TRH: variants seen among roughly 807,000 people sequenced by gnomAD.
The protein encoded by TRH is thyrotropin releasing hormone, also known as TSH-releasing factor.
TRH carries 5 observed loss-of-function variants against 5.2 expected under a neutral mutation model. That is an observed-to-expected ratio of 0.95 (90% CI 0.50 to 2.00). The LOEUF (loss-of-function observed/expected upper bound fraction) is 2.00. Ranked by LOEUF, TRH falls within the 30% of genes most tolerant of loss-of-function variation. TRH has a pLI of 0.01. For missense variants in TRH, 318 were observed against 312.8 expected (o/e 1.02, Z -0.13); for synonymous variants, 131 against 128.6 (o/e 1.02, Z -0.13).
At chr3:129,975,744 G>C in intron 1 of TRH, 65 bp from the exon 2 acceptor site, 6 of 1,460,128 alleles carry the variant, frequency 4.1e-6, no homozygotes, top group Non-Finnish European at 5.5e-6. Flanking sequence ...GGCGGGCGTC[G>C]GGGGAGATGG....
In TRH at chr3:129,977,326, G is replaced by A. The variant is rs1426197751; in HGVS notation, c.*110G>A. On this transcript the variant is annotated 3_prime_UTR_variant, in exon 3 of 3. Transcript: ENST00000302649. ...TAGTTAGATCCCTGACCATAAGCCT[G>A]AGCCCCTCCCTCCCAGCCCCATATT... is the stretch of plus-strand genomic sequence containing the variant. 2.2e-6 allele frequency: 3 copies of A among 1,343,212 alleles called. No individual in the cohort carries two copies. Among genetic ancestry groups the A allele is most frequent in the East Asian group, 2.6e-5 (1 of 38,536 alleles). The allele number at this position is 1,343,212 out of a possible 1,614,324, so 83.2% of individuals were successfully genotyped here.
rs80029327 is a variant in TRH, at chr3:129,977,483, C to A, written c.*267C>A. Reference sequence around the variant, plus strand: ...GGCAGATCCCAGAGCCCCTCTCACCCCCCCCACCACAGGCCTGCTCCTTCC... The same window carrying A: ...GGCAGATCCCAGAGCCCCTCTCACCACCCCCACCACAGGCCTGCTCCTTCC... On this transcript the variant is annotated 3_prime_UTR_variant, in exon 3 of 3. Transcript: ENST00000302649. 72 of 334,100 alleles carry A rather than the reference C, an allele frequency of 2.2e-4. No individual in the cohort carries two copies. Among genetic ancestry groups the A allele is most frequent in the South Asian group, 3.3e-4 (3 of 8,990 alleles). 20.7% of individuals were successfully genotyped at this position (334,100 alleles called of 1,614,324 possible).
chr3:129,976,258 G>A (rs2062543173), intron 2 of TRH, among the ~76,000 whole-genome samples: 2 of 152,252 alleles, frequency 1.3e-5, no homozygotes, highest in African/African-American at 4.8e-5. Flanking sequence ...CCCTGGGTGG[G>A]GAAGCTTCTG....
In TRH at chr3:129,976,973, G is replaced by C; in HGVS notation, c.486G>C (p.Lys162Asn). The C allele has an allele frequency of 1.9e-6, 3 of 1,613,484 alleles. No individual in the cohort carries two copies. In the South Asian group the frequency reaches 3.3e-5, roughly 18 times the overall value. ...CAGGCAGAAGGCTGGCAGATCCCAA[G>C]GCTCAAAGGAGCTGGGAAGAAGAGG... ...QHPGRRLADP[K>N]AQRSWEEEEE... is the part of the protein sequence containing the mutation. The change falls in exon 3 of 3, where the codon AAG becomes AAC. Residue 162 changes from lysine to asparagine, a missense_variant. Transcript: ENST00000302649.
chr3:129,976,291 T>TGTGTGTGACAGTTTGAATTAC (rs1196678501), intron 2 of TRH, among the ~76,000 whole-genome samples: 1 of 152,256 alleles, frequency 6.6e-6, no homozygotes, highest in African/African-American at 2.4e-5. Context: ...AGAGTTTCTT[T>TGTGTGTGACAGTTTGAATTAC]GTGTGTGACA....
rs144204651 is a variant in TRH, at chr3:129,976,474, G to A, written c.212-225G>A. Among the ~76,000 whole-genome samples the A allele has an allele frequency of 3.6e-3, 550 of 152,366 alleles. 3 individuals carry two copies. The highest frequency in any genetic ancestry group is 0.014 in the Middle Eastern group (4 of 294). On this transcript the variant is annotated intron_variant, in intron 2 of 2. Coordinates refer to ENST00000302649, the MANE Select transcript of TRH (RefSeq NM_007117.5). ...AGATCAATTGAGTCGCTTATGGTCAGACAACTAGGGAGCGCCAGAGCTGGG... is the reference window on the plus strand; with the variant it reads ...AGATCAATTGAGTCGCTTATGGTCAAACAACTAGGGAGCGCCAGAGCTGGG...
intron 1 of TRH, among the ~76,000 whole-genome samples, chr3:129,975,151 G>A (rs766181562): frequency 9.9e-5 from 15 of 152,162 alleles, no homozygotes; most frequent in Non-Finnish European, 2.9e-5. Context: ...CTGAGAACCT[G>A]GGAGTTCGAA....
intron 1 of TRH, among the ~76,000 whole-genome samples, chr3:129,975,287 T>A (rs1271692520): frequency 6.6e-6 from 1 of 152,218 alleles, no homozygotes; most frequent in Non-Finnish European, 1.5e-5. Flanking sequence ...GCAAATAGAC[T>A]TTGAGCTTTA....
At chr3:129,976,562 G>GGGCA (rs2062544845) in intron 2 of TRH, 137 bp from the exon 3 acceptor site, 1 of 967,274 alleles carries the variant, frequency 1.0e-6, no homozygotes, top group African/African-American at 1.6e-5. Flanking sequence ...GAGGCCTGAG[G>GGGCA]GGCAGGTGCA....
intron 2 of TRH, 129 bp from the exon 3 acceptor site, chr3:129,976,570 G>A: frequency 9.4e-7 from 1 of 1,063,616 alleles, no homozygotes; most frequent in Non-Finnish European, 1.4e-6. Flanking sequence ...AGGGGCAGGT[G>A]CAAGACCATG....
At position 129,975,838 on chromosome 3, in the gene TRH, C is replaced by G. The variant is rs5658; in HGVS notation, c.22C>G (p.Leu8Val). The G allele has an allele frequency of 0.11, 174,237 of 1,608,952 alleles. 13,151 individuals carry two copies. Among genetic ancestry groups the G allele is most frequent in the East Asian group, 0.33 (14,764 of 44,700 alleles). Reference sequence around the variant, plus strand: ...CGCGATGCCCGGCCCTTGGTTGCTGCTCGCTCTGGCTTTGACCCTGAACCT... The same window carrying G: ...CGCGATGCCCGGCCCTTGGTTGCTGGTCGCTCTGGCTTTGACCCTGAACCT... MPGPWLL[L>V]ALALTLNLTG... The change falls in exon 2 of 3, where the codon CTC (leucine) becomes GTC (valine). Residue 8 changes from leucine to valine, a missense_variant. Coordinates refer to ENST00000302649, the MANE Select transcript of TRH (RefSeq NM_007117.5).
chr3:129,975,398 A>T (rs961291235), intron 1 of TRH, among the ~76,000 whole-genome samples: 2 of 151,732 alleles, frequency 1.3e-5, no homozygotes, highest in Non-Finnish European at 2.9e-5. Context: ...CCTTTGGGGG[A>T]GTCTTGGCGG....
chr3:129,977,321 A>G lies in TRH; in HGVS notation c.*105A>G. The stretch of plus-strand genomic sequence containing the variant: ...TTCTCTAGTTAGATCCCTGACCATA[A>G]GCCTGAGCCCCTCCCTCCCAGCCCC... On this transcript the variant is annotated 3_prime_UTR_variant, in exon 3 of 3. Coordinates refer to ENST00000302649, the MANE Select transcript of TRH (RefSeq NM_007117.5). 1 of 1,363,652 alleles carries G rather than the reference A, an allele frequency of 7.3e-7. No homozygotes were observed. Among genetic ancestry groups the G allele is most frequent in the Non-Finnish European group, 9.5e-7 (1 of 1,050,974 alleles). 84.5% of individuals were successfully genotyped at this position (1,363,652 alleles called of 1,614,324 possible). A position where few individuals can be genotyped will look rare whatever the true frequency, so the allele number is the denominator to read the frequency against.
At position 129,977,190 on chromosome 3, in the gene TRH, T is replaced by TG. The variant is rs2062551004; in HGVS notation, c.706dup (p.Val236GlyfsTer20). On this transcript the variant is annotated frameshift_variant, in exon 3 of 3. Coordinates refer to ENST00000302649, the MANE Select transcript of TRH (RefSeq NM_007117.5). LOFTEE classifies it high-confidence loss of function. ...GCAGCACCCTGGTCGGCGGGCAGCCTGGGTCAGAGAGCCCCTGGAGGAGTG... is the reference window on the plus strand; with the variant it reads ...GCAGCACCCTGGTCGGCGGGCAGCCTGGGGTCAGAGAGCCCCTGGAGGAGTG... 6.6e-7 allele frequency: 1 copy of TG among 1,518,830 alleles called. No homozygotes were observed. The highest frequency in any genetic ancestry group is 8.8e-7 in the Non-Finnish European group (1 of 1,136,178). The allele number at this position is 1,518,830 out of a possible 1,614,324, so 94.1% of individuals were successfully genotyped here.
At chr3:129,975,316 T>C (rs1361817490) in intron 1 of TRH, among the ~76,000 whole-genome samples, 4 of 152,226 alleles carry the variant, frequency 2.6e-5, no homozygotes, top group Non-Finnish European at 5.9e-5. Context: ...ATCTTAGCGA[T>C]AGAAATGGGA....
At chr3:129,975,694 G>A (rs373722878) in intron 1 of TRH, 115 bp from the exon 2 acceptor site, 95 of 1,163,110 alleles carry the variant, frequency 8.2e-5, no homozygotes, top group East Asian at 7.6e-4. Flanking sequence ...CAGTGGTCCT[G>A]CTTCTGGGAG....
chr3:129,975,499 G>C (rs2062537288), intron 1 of TRH, among the ~76,000 whole-genome samples: 1 of 152,186 alleles, frequency 6.6e-6, no homozygotes. Flanking sequence ...GGCTTCCCCA[G>C]TTCCGCGTCA....
In TRH at chr3:129,975,841, G is replaced by A. The variant is rs772388530; in HGVS notation, c.25G>A (p.Ala9Thr). ...GATGCCCGGCCCTTGGTTGCTGCTC[G>A]CTCTGGCTTTGACCCTGAACCTGAC... Reference protein sequence around the residue: MPGPWLLLALALTLNLTGV... With the variant: MPGPWLLLTLALTLNLTGV... Residue 9 changes from alanine (A) to threonine (T), a missense_variant, in exon 2 of 3, where the codon GCT (alanine) becomes ACT (threonine). Transcript: ENST00000302649. 1.2e-6 allele frequency: 2 copies of A among 1,610,288 alleles called. No homozygotes were observed. Among genetic ancestry groups the A allele is most frequent in the Admixed American group, 1.7e-5 (1 of 59,882 alleles).
chr3:129,976,871 T>A lies in TRH; in HGVS notation c.384T>A (p.Asp128Glu). ...AAGATGAGGCTTCATGGTCAGTCGATGTAACCCAGCACAAGCGGCAGCATC... is the reference window on the plus strand; with the variant it reads ...AAGATGAGGCTTCATGGTCAGTCGAAGTAACCCAGCACAAGCGGCAGCATC... ...RREDEASWSV[D>E]VTQHKRQHPG... Residue 128 changes from aspartate to glutamate, a missense_variant, in exon 3 of 3, where the codon GAT becomes GAA. Asp to Glu is a conservative substitution (Grantham distance 45). Coordinates refer to ENST00000302649, the MANE Select transcript of TRH (RefSeq NM_007117.5). The A allele has an allele frequency of 6.2e-7, 1 of 1,612,118 alleles. No homozygotes were observed. The highest frequency in any genetic ancestry group is 2.2e-5 in the East Asian group (1 of 44,684).
Sources: allele counts gnomAD v4.1 joint callset (sites outside exome capture counted in the v4.1 genomes callset), GRCh38; gene constraint gnomAD v4.1.1; transcripts MANE v1.5; gene names NCBI Gene and HGNC (gene_info 2026-07-23, HGNC 2026-07-21).